AFF3: variants seen among roughly 807,000 people sequenced by gnomAD.
The protein encoded by AFF3 is AF4/FMR2 family member 3.
Under a neutral mutation model 129.7 loss-of-function variants are expected in AFF3, and 32 were observed. That is an observed-to-expected ratio of 0.25 (90% confidence interval 0.19 to 0.33). The LOEUF is 0.33. Among genes scored for constraint, AFF3 ranks in the 10% least tolerant of loss-of-function variants. The probability of loss-of-function intolerance (pLI) is 1.00; values close to 1 mark genes in which losing one functional copy is unlikely to be tolerated. For synonymous variants in AFF3, 644 were observed against 635.4 expected (o/e 1.01, Z -0.20); for missense variants, 1,373 against 1,592.0 (o/e 0.86, Z 2.34).
At chr2:99,730,081 G>A (rs1201630551) in intron 10 of AFF3, among the ~76,000 whole-genome samples, 1 of 152,110 alleles carries the variant, frequency 6.6e-6, no homozygotes, top group Non-Finnish European at 1.5e-5. Flanking sequence ...GTCCATATTT[G>A]TCTGGCTGGG....
chr2:99,594,183 C>T lies in AFF3; in HGVS notation c.1478G>A (p.Ser493Asn). ...LIQNESHGSESNQYYNPVKED... is the reference protein window; with the variant it reads ...LIQNESHGSENNQYYNPVKED... ...TTTCACCGGGTTGTAGTACTGATTG[C>T]TCTCTGACCCGTGGCTTTCATTTTG... The change falls in exon 15 of 25, where the codon AGC becomes AAC. Residue 493 changes from serine (S) to asparagine (N), a missense_variant. Physicochemically the swap from Ser to Asn is conservative, Grantham distance 46 (BLOSUM62 1). Transcript: ENST00000672756. The T allele has an allele frequency of 6.2e-7, 1 of 1,614,156 alleles. No individual in the cohort carries two copies. The highest frequency in any genetic ancestry group is 1.7e-5 in the Admixed American group (1 of 60,022).
chr2:99,704,921 G>A (rs1033895720), intron 11 of AFF3, among the ~76,000 whole-genome samples: 1 of 152,154 alleles, frequency 6.6e-6, no homozygotes, highest in African/African-American at 2.4e-5. Context: ...TAGAGATCTC[G>A]ATCTGGGAGG....
chr2:99,639,732 T>C (rs1323824527), intron 13 of AFF3, among the ~76,000 whole-genome samples: 1 of 151,588 alleles, frequency 6.6e-6, no homozygotes, highest in South Asian at 2.1e-4. Flanking sequence ...CTCACCCAGG[T>C]TGGAGTGCAA....
At chr2:99,936,856 G>A (rs956392471) in intron 7 of AFF3, among the ~76,000 whole-genome samples, 4 of 152,280 alleles carry the variant, frequency 2.6e-5, no homozygotes, top group African/African-American at 9.6e-5. Context: ...GCCCAAGGTG[G>A]ATTTAACTGT....
At chr2:99,577,566 T>G (rs1246665268) in intron 18 of AFF3, among the ~76,000 whole-genome samples, 1 of 152,226 alleles carries the variant, frequency 6.6e-6, no homozygotes, top group Non-Finnish European at 1.5e-5. Flanking sequence ...CAGAGCTGAA[T>G]TTTTCCTTGT....
chr2:99,977,484 T>G (rs1045008946), intron 7 of AFF3, among the ~76,000 whole-genome samples: 1 of 152,250 alleles, frequency 6.6e-6, no homozygotes, highest in South Asian at 2.1e-4. Context: ...TCTGTGGTAG[T>G]AGAAATTGTG....
At chr2:99,927,948 T>C (rs917142733) in intron 7 of AFF3, among the ~76,000 whole-genome samples, 3 of 152,158 alleles carry the variant, frequency 2.0e-5, no homozygotes, top group Non-Finnish European at 4.4e-5. Context: ...TTTCCCGTGC[T>C]GTTCTCATGA....
intron 8 of AFF3, among the ~76,000 whole-genome samples, chr2:99,776,438 T>C (rs904316283): frequency 4.2e-4 from 64 of 152,330 alleles, no homozygotes; most frequent in African/African-American, 1.4e-3. Flanking sequence ...AAACCCTGTA[T>C]TGGCTAAATA....
chr2:99,883,581 T>G (rs939186117), intron 7 of AFF3, among the ~76,000 whole-genome samples: 3 of 152,250 alleles, frequency 2.0e-5, no homozygotes, highest in Non-Finnish European at 4.4e-5. Flanking sequence ...TTTGGAGAAC[T>G]ACTACATTCC....
chr2:99,959,083 C>A (rs953640808), intron 7 of AFF3, among the ~76,000 whole-genome samples: 4 of 151,808 alleles, frequency 2.6e-5, no homozygotes, highest in East Asian at 1.9e-4. Context: ...GGCGACAGAG[C>A]GAGACCCTGC....
intron 7 of AFF3, among the ~76,000 whole-genome samples, chr2:99,904,975 C>T (rs1048381482): frequency 2.0e-5 from 3 of 152,140 alleles, no homozygotes; most frequent in Non-Finnish European, 4.4e-5. Flanking sequence ...CTCCCCTTTC[C>T]TCCAATCTCC....
At position 99,593,266 on chromosome 2, in the gene AFF3, T is replaced by C; in HGVS notation, c.2395A>G (p.Ser799Gly). Residue 799 changes from serine (S) to glycine (G), a missense_variant, in exon 15 of 25, where the codon AGC becomes GGC. Ser to Gly is a moderately conservative substitution (Grantham distance 56). Around this residue, in one of 9 missense-constraint regions of AFF3, gnomAD observed 466 missense variants for 505.0 expected, o/e 0.92. Coordinates refer to ENST00000672756, the MANE Select transcript of AFF3 (RefSeq NM_001386135.1). Reference protein sequence around the residue: ...LSAPATKDSESAPPSHTSDTP... With the variant: ...LSAPATKDSEGAPPSHTSDTP... ...TCCGAGGTGTGGCTGGGCGGTGCGCTCTCAGAGTCCTTGGTGGCAGGGGCG... is the reference window on the plus strand; with the variant it reads ...TCCGAGGTGTGGCTGGGCGGTGCGCCCTCAGAGTCCTTGGTGGCAGGGGCG... The C allele has an allele frequency of 6.2e-7, 1 of 1,613,322 alleles. No homozygotes were observed. Among genetic ancestry groups the C allele is most frequent in the Non-Finnish European group, 8.5e-7 (1 of 1,179,476 alleles).
At chr2:99,935,259 A>G (rs1469016595) in intron 7 of AFF3, among the ~76,000 whole-genome samples, 1 of 152,150 alleles carries the variant, frequency 6.6e-6, no homozygotes, top group Non-Finnish European at 1.5e-5. Flanking sequence ...GCAACATGAA[A>G]TATCACCTAT....
chr2:99,582,169 A>G (rs1013381430), intron 17 of AFF3, among the ~76,000 whole-genome samples: 2 of 151,984 alleles, frequency 1.3e-5, no homozygotes, highest in Non-Finnish European at 2.9e-5. Context: ...TCTTTTCATG[A>G]TATTGTCTCT....
intron 11 of AFF3, 93 bp downstream of exon 11, chr2:99,726,984 A>T: frequency 8.7e-7 from 1 of 1,145,150 alleles, no homozygotes; most frequent in Non-Finnish European, 1.2e-6. Flanking sequence ...TCCTTCCATC[A>T]TCATTATTAC....
chr2:99,767,307 T>C (rs1683097978), intron 8 of AFF3, among the ~76,000 whole-genome samples: 1 of 152,170 alleles, frequency 6.6e-6, no homozygotes, highest in Admixed American at 6.5e-5. Context: ...ATGGTTCTGA[T>C]GGGTCTAATT....
chr2:99,752,130 G>A, intron 9 of AFF3, 91 bp downstream of exon 9: 1 of 1,179,098 alleles, frequency 8.5e-7, no homozygotes, highest in Non-Finnish European at 1.2e-6. Context: ...AATATTTACA[G>A]AAGAAAAGAC....
At chr2:99,906,216 A>G (rs1325244740) in intron 7 of AFF3, among the ~76,000 whole-genome samples, 1 of 152,222 alleles carries the variant, frequency 6.6e-6, no homozygotes, top group Non-Finnish European at 1.5e-5. Flanking sequence ...ATCATGCCAG[A>G]TATTCACTTG....
chr2:99,786,768 G>A (rs1684824405), intron 8 of AFF3, among the ~76,000 whole-genome samples: 1 of 152,160 alleles, frequency 6.6e-6, no homozygotes, highest in African/African-American at 2.4e-5. Context: ...TGGCTTTAGT[G>A]ATGGATTCAA....
Sources: allele counts gnomAD v4.1 joint callset (sites outside exome capture counted in the v4.1 genomes callset), GRCh38; gene constraint gnomAD v4.1.1; regional missense constraint gnomAD v4.1.1; transcripts MANE v1.5; gene names NCBI Gene and HGNC (gene_info 2026-07-23, HGNC 2026-07-21).